The following SLC9A7 variants were observed in gnomAD, a reference collection of about 807,000 sequenced individuals.
SLC9A7 encodes solute carrier family 9 member A7, also known as sodium/hydrogen exchanger 7.
In SLC9A7, 19 loss-of-function variants were observed where a neutral mutation model predicts 52.6. The observed-to-expected ratio is 0.36, with a 90% CI of 0.25 to 0.53. SLC9A7 has a LOEUF of 0.53. SLC9A7 is among the 20% of genes least tolerant of loss of function. The probability of loss-of-function intolerance (pLI) is 0.91; values close to 1 mark genes in which losing one functional copy is unlikely to be tolerated. For missense variants in SLC9A7, 455 were observed against 597.9 expected (o/e 0.76, Z 2.49); for synonymous variants, 226 against 252.1 (o/e 0.90, Z 0.98).
intron 1 of SLC9A7, among the ~76,000 whole-genome samples, chrX:46,746,874 A>G (rs1921824075): frequency 8.9e-6 from 1 of 112,663 alleles, no homozygotes; most frequent in South Asian, 3.6e-4. Context: ...ACAATAACCA[A>G]AATATGGAAT....
At chrX:46,660,467 C>G (rs1165936101) in intron 7 of SLC9A7, among the ~76,000 whole-genome samples, 2 of 109,737 alleles carry the variant, frequency 1.8e-5, no homozygotes, top group African/African-American at 3.4e-5. Flanking sequence ...TCACAACCTA[C>G]TCATCTGACA....
intron 1 of SLC9A7, among the ~76,000 whole-genome samples, chrX:46,729,506 G>A (rs892967828): frequency 1.6e-4 from 18 of 111,953 alleles, no homozygotes; most frequent in African/African-American, 5.5e-4. Context: ...GGGCGTGGTG[G>A]CTCATGCCTG....
chrX:46,676,225 T>C (rs2146855104), intron 3 of SLC9A7, among the ~76,000 whole-genome samples: 1 of 110,977 alleles, frequency 9.0e-6, no homozygotes, highest in African/African-American at 3.3e-5. Context: ...GGGGGCAGTA[T>C]TGCGGGACTG....
At chrX:46,704,353 T>C (rs1473477429) in intron 1 of SLC9A7, among the ~76,000 whole-genome samples, 1 of 112,528 alleles carries the variant, frequency 8.9e-6, no homozygotes, top group Non-Finnish European at 1.9e-5. Flanking sequence ...TGAGCACAAA[T>C]AATAGTAACA....
intron 15 of SLC9A7, among the ~76,000 whole-genome samples, chrX:46,614,710 A>C (rs1313572744): frequency 1.8e-5 from 2 of 111,913 alleles, no homozygotes; most frequent in Non-Finnish European, 3.8e-5. Context: ...CTATGTGGGA[A>C]GCTCCATGAA....
chrX:46,621,202 G>A (rs181988521), intron 14 of SLC9A7, 143 bp from the exon 15 acceptor site: 3 of 380,262 alleles, frequency 7.9e-6, no homozygotes, highest in Admixed American at 4.6e-5. Context: ...AAGATATATT[G>A]GGAGGTAGCA....
chrX:46,668,621 CATTATGCT>C (rs1444376382), intron 5 of SLC9A7, among the ~76,000 whole-genome samples: 2 of 111,854 alleles, frequency 1.8e-5, no homozygotes, highest in Non-Finnish European at 1.9e-5. Context: ...ACTTTGAGGA[CATTATGCT>C]AAGTGAAATA....
chrX:46,671,242 G>A (rs970156076), intron 4 of SLC9A7, among the ~76,000 whole-genome samples: 15 of 110,946 alleles, frequency 1.4e-4, no homozygotes, highest in Non-Finnish European at 2.8e-4. Context: ...CCTCATGACT[G>A]TGACAGTTTC....
intron 10 of SLC9A7, among the ~76,000 whole-genome samples, 198 bp from the exon 11 acceptor site, chrX:46,648,995 C>T (rs1488556913): frequency 9.0e-6 from 1 of 111,652 alleles, no homozygotes; most frequent in African/African-American, 3.3e-5. Context: ...GCCAAGCTTT[C>T]CCACCTCCTG....
chrX:46,642,652 A>G (rs1039146853), intron 12 of SLC9A7, among the ~76,000 whole-genome samples: 2 of 112,008 alleles, frequency 1.8e-5, no homozygotes, highest in African/African-American at 6.5e-5. Flanking sequence ...CGCTCTTGAA[A>G]AAGTCAAACT....
intron 7 of SLC9A7, among the ~76,000 whole-genome samples, chrX:46,657,626 A>C (rs1358932833): frequency 9.1e-6 from 1 of 109,295 alleles, no homozygotes; most frequent in Non-Finnish European, 1.9e-5. Context: ...GAGACAAAGA[A>C]GGCCATTACA....
At chrX:46,656,595 T>C (rs1242590281) in intron 7 of SLC9A7, among the ~76,000 whole-genome samples, 1 of 112,174 alleles carries the variant, frequency 8.9e-6, no homozygotes, top group Admixed American at 9.4e-5. Context: ...CAGGAGCTGA[T>C]GCGATCAACT....
intron 1 of SLC9A7, among the ~76,000 whole-genome samples, chrX:46,687,964 C>T (rs1013516431): frequency 2.0e-4 from 22 of 112,195 alleles, no homozygotes; most frequent in Non-Finnish European, 1.7e-4. Context: ...GCTTCTTTCA[C>T]TTAGTATGTT....
Position 46,720,834 on chromosome X carries a change from A to G in SLC9A7, c.325+37871T>C, listed in dbSNP as rs143547851. Among the ~76,000 whole-genome samples the G allele has an allele frequency of 1.0e-3, 116 of 112,047 alleles. 4 individuals are homozygous for G. In the East Asian group the frequency reaches 0.015, roughly 15 times the overall value. On this transcript the variant is annotated intron_variant, in intron 1 of 16. Coordinates refer to ENST00000616978, the MANE Select transcript of SLC9A7 (RefSeq NM_001257291.2). ...CTGATCATCCAAATAACTCCTGAAGATCACTGAGATGATATAACAAAGCAA... is the reference window on the plus strand; with the variant it reads ...CTGATCATCCAAATAACTCCTGAAGGTCACTGAGATGATATAACAAAGCAA...
At chrX:46,620,452 CA>C (rs199549828) in intron 15 of SLC9A7, among the ~76,000 whole-genome samples, 1 of 110,241 alleles carries the variant, frequency 9.1e-6, no homozygotes. Context: ...ACAAAACAAA[CA>C]AAAAAAACCA....
At chrX:46,650,530 C>T (rs1486178494) in intron 10 of SLC9A7, among the ~76,000 whole-genome samples, 2 of 110,482 alleles carry the variant, frequency 1.8e-5, no homozygotes, top group African/African-American at 6.6e-5. Context: ...GTCTTTCCCA[C>T]CATGATCTGC....
intron 14 of SLC9A7, among the ~76,000 whole-genome samples, chrX:46,628,091 T>C (rs1943162851): frequency 8.9e-6 from 1 of 112,508 alleles, no homozygotes; most frequent in Admixed American, 9.4e-5. Context: ...AATATCCGGC[T>C]TGTGACCTTG....
At chrX:46,735,092 T>C (rs939123849) in intron 1 of SLC9A7, among the ~76,000 whole-genome samples, 17 of 111,759 alleles carry the variant, frequency 1.5e-4, no homozygotes, top group African/African-American at 5.5e-4. Flanking sequence ...TAATCCAATC[T>C]GATGATCTCT....
intron 4 of SLC9A7, among the ~76,000 whole-genome samples, chrX:46,670,773 T>C (rs919751037): frequency 8.9e-6 from 1 of 112,163 alleles, no homozygotes; most frequent in African/African-American, 3.2e-5. Context: ...CCAGACACTG[T>C]TCTAGACACT....
Sources: gnomAD v4.1 joint callset for allele counts (sites outside exome capture counted in the v4.1 genomes callset) on GRCh38, gnomAD v4.1.1 for gene constraint, MANE v1.5 for transcripts, NCBI Gene and HGNC (gene_info 2026-07-23, HGNC 2026-07-21) for gene names.